The following EIF3D variants were observed in gnomAD, a reference collection of about 807,000 sequenced individuals.
The protein encoded by EIF3D is eIF3 p66.
In EIF3D, 10 loss-of-function variants were observed where a neutral mutation model predicts 75.4. That is an observed-to-expected ratio of 0.13 (90% CI 0.08 to 0.22). The LOEUF (loss-of-function observed/expected upper bound fraction) is 0.22, where lower values mean the gene tolerates loss of function less well. Ranked by LOEUF, EIF3D falls within the 10% of genes least tolerant of loss-of-function variation. EIF3D has a pLI of 1.00. For missense variants in EIF3D, 394 were observed against 708.0 expected (o/e 0.56, Z 5.03); for synonymous variants, 246 against 248.3 (o/e 0.99, Z 0.09).
At chr22:36,525,367 C>CCGAG (rs3076240) in intron 3 of EIF3D, among the ~76,000 whole-genome samples, 3,468 of 151,746 alleles carry the variant, frequency 0.023, 70 homozygotes, top group Non-Finnish European at 0.037. Context: ...CCTCAGCCAC[C>CCGAG]CGAGTAGCTG....
intron 6 of EIF3D, among the ~76,000 whole-genome samples, chr22:36,521,649 G>A (rs565985531): frequency 1.8e-4 from 28 of 152,158 alleles, no homozygotes; most frequent in African/African-American, 6.7e-4. Flanking sequence ...CATCTGGGCT[G>A]GGTGTGGTGC....
rs1411324233 is a variant in EIF3D at position 36,524,452 on chromosome 22, G to A, written c.306+144C>T. On this transcript the variant is annotated intron_variant, in intron 4 of 14. Coordinates refer to ENST00000216190, the MANE Select transcript of EIF3D (RefSeq NM_003753.4). ...GTGCAAGTTCACCTTGGTACCACTT[G>A]TTATGGAACGGTGACCCGAGATTCA... is the stretch of plus-strand genomic sequence containing the variant. 6 of 1,190,674 alleles carry A rather than the reference G, an allele frequency of 5.0e-6. No homozygotes were observed. The African/African-American group carries it at 6.1e-5, about 12-fold the overall frequency. 73.8% of individuals were successfully genotyped at this position (1,190,674 alleles called of 1,614,324 possible).
At chr22:36,515,506 C>A (rs143740287) in intron 12 of EIF3D, among the ~76,000 whole-genome samples, 67 of 152,128 alleles carry the variant, frequency 4.4e-4, no homozygotes, top group Non-Finnish European at 8.1e-4. Context: ...CCAGCCTGGG[C>A]AACAAGAGCG....
At chr22:36,525,831 C>CTG in intron 2 of EIF3D, 122 bp from the exon 3 acceptor site, 1 of 1,454,648 alleles carries the variant, frequency 6.9e-7, no homozygotes, top group African/African-American at 1.4e-5. Context: ...CACAACACCT[C>CTG]TGTAAGTGCC....
rs1170237044 is a variant in EIF3D at position 36,517,336 on chromosome 22, T to C, written c.955A>G (p.Ile319Val). ...PRNLAMEATYINHNFSQQCLR... is the reference protein window; with the variant it reads ...PRNLAMEATYVNHNFSQQCLR... ...CACTGCTGGGAGAAATTGTGGTTGATGTAGGTTGCCTCCATGGCCAGGTTG... is the reference window on the plus strand; with the variant it reads ...CACTGCTGGGAGAAATTGTGGTTGACGTAGGTTGCCTCCATGGCCAGGTTG... The change falls in exon 10 of 15, where the codon ATC becomes GTC. Residue 319 changes from isoleucine (I) to valine (V), a missense_variant. Coordinates refer to ENST00000216190, the MANE Select transcript of EIF3D (RefSeq NM_003753.4). The C allele has an allele frequency of 1.9e-6, 3 of 1,613,936 alleles. No homozygotes were observed. Among genetic ancestry groups the C allele is most frequent in the South Asian group, 2.2e-5 (2 of 91,048 alleles).
intron 12 of EIF3D, chr22:36,512,858 GACACAC>G (rs67441722): frequency 0.011 from 3,772 of 336,316 alleles, 3 homozygotes; most frequent in Non-Finnish European, 0.016. Context: ...GACACACACG[GACACAC>G]ACACACACAC....
intron 1 of EIF3D, among the ~76,000 whole-genome samples, chr22:36,528,419 T>C (rs1021181164): frequency 3.5e-5 from 5 of 144,496 alleles, no homozygotes; most frequent in Non-Finnish European, 7.4e-5. Context: ...CTTTAATAAA[T>C]GTTTTTTTTT....
chr22:36,519,351 T>C lies in EIF3D; in HGVS notation c.711+54A>G, dbSNP rs566696212. ...TCTGTTCTTTCTGCAGCTTCAGCTG[T>C]AGAAGCCGACAGCATTCCTAACAAG... On this transcript the variant is annotated intron_variant, in intron 8 of 14. Coordinates refer to ENST00000216190, the MANE Select transcript of EIF3D (RefSeq NM_003753.4). The C allele has an allele frequency of 1.5e-5, 24 of 1,608,130 alleles. No homozygotes were observed. The South Asian group carries it at 2.1e-4, about 14-fold the overall frequency.
At chr22:36,522,814 T>A (rs547097307) in intron 6 of EIF3D, among the ~76,000 whole-genome samples, 1 of 152,268 alleles carries the variant, frequency 6.6e-6, no homozygotes, top group African/African-American at 2.4e-5. Context: ...CTACCCAAAG[T>A]TTAGCCCTTT....
At chr22:36,527,657 G>A (rs1214618580) in intron 1 of EIF3D, among the ~76,000 whole-genome samples, 2 of 152,188 alleles carry the variant, frequency 1.3e-5, no homozygotes, top group East Asian at 3.8e-4. Context: ...TGGTCAACAT[G>A]GTGAAACCCA....
intron 2 of EIF3D, 69 bp from the exon 3 acceptor site, chr22:36,525,778 C>T: frequency 6.3e-7 from 1 of 1,580,338 alleles, no homozygotes; most frequent in African/African-American, 1.4e-5. Flanking sequence ...ACCAGAAATC[C>T]CTGAGCGCGA....
At position 36,523,887 on chromosome 22, in the gene EIF3D, A is replaced by G. The variant is rs1934554714; in HGVS notation, c.392+8T>C. On this transcript the variant is annotated splice_region_variant and intron_variant, in intron 5 of 14. Transcript: ENST00000216190. ...GGGTGTCTTGTTCCAGCAGGATGAA[A>G]ATCTCACCTCTCTTTCTGTTTGGCA... 9 of 1,613,320 alleles carry G rather than the reference A, an allele frequency of 5.6e-6. No individual in the cohort carries two copies. In the East Asian group the frequency reaches 2.0e-4, roughly 36 times the overall value.
intron 5 of EIF3D, 131 bp from the exon 6 acceptor site, chr22:36,523,412 T>G (rs1934546652): frequency 2.7e-6 from 2 of 727,714 alleles, no homozygotes; most frequent in Non-Finnish European, 4.7e-6. Context: ...AAAAATGGGC[T>G]TAGAGAAAGG....
At position 36,518,782 on chromosome 22, in the gene EIF3D, C is replaced by T; in HGVS notation, c.840G>A (p.Lys280=). ...QRVGSKLFFD[K]RDNSDFDLLT... ...TCTTACCAAAGTCAGAGTTGTCTCT[C>T]TTGTCAAAGAAGAGTTTGGACCCAA... Residue 280 remains lysine, a synonymous_variant, in exon 9 of 15, where the codon AAG becomes AAA. Coordinates refer to ENST00000216190, the MANE Select transcript of EIF3D (RefSeq NM_003753.4). The T allele has an allele frequency of 6.2e-7, 1 of 1,614,168 alleles. No individual in the cohort carries two copies. The highest frequency in any genetic ancestry group is 1.1e-5 in the South Asian group (1 of 91,088).
rs1196654035 is a variant in EIF3D at position 36,518,702 on chromosome 22, T to A, written c.859+61A>T. 5 of 1,595,472 alleles carry A rather than the reference T, an allele frequency of 3.1e-6. No homozygotes were observed. The Admixed American group carries it at 8.4e-5, about 27-fold the overall frequency. ...CTATCCATTCTCTAGTACCAGAGACTTGTTCTGTACCAACAAAAATACTCA... is the reference window on the plus strand; with the variant it reads ...CTATCCATTCTCTAGTACCAGAGACATGTTCTGTACCAACAAAAATACTCA... On this transcript the variant is annotated intron_variant, in intron 9 of 14. Coordinates refer to ENST00000216190, the MANE Select transcript of EIF3D (RefSeq NM_003753.4).
At chr22:36,526,976 G>C (rs986270380) in intron 1 of EIF3D, 3 of 151,698 alleles carry the variant, frequency 2.0e-5, no homozygotes, top group African/African-American at 7.3e-5. Flanking sequence ...ACTTGCAAAA[G>C]TGCATTTATG....
chr22:36,523,454 TAGAAAAGGTACA>T (rs1276224235), intron 5 of EIF3D, among the ~76,000 whole-genome samples, 173 bp from the exon 6 acceptor site: 1 of 152,204 alleles, frequency 6.6e-6, no homozygotes, highest in Non-Finnish European at 1.5e-5. Flanking sequence ...CTGGAGGTGT[TAGAAAAGGTACA>T]CTGCCTCCAA....
At chr22:36,525,623 C>T (rs1934586578) in intron 3 of EIF3D, 41 bp downstream of exon 3, 1 of 1,603,792 alleles carries the variant, frequency 6.2e-7, no homozygotes, top group Admixed American at 1.7e-5. Flanking sequence ...AACAACTTTC[C>T]CAAGGCCCTG....
intron 9 of EIF3D, 137 bp downstream of exon 9, chr22:36,518,626 G>A (rs2145873413): frequency 9.2e-7 from 1 of 1,082,744 alleles, no homozygotes; most frequent in African/African-American, 2.0e-5. Flanking sequence ...AAAGAGTGTG[G>A]GAGATTCAGA....
Sources: gnomAD v4.1 joint callset for allele counts (sites outside exome capture counted in the v4.1 genomes callset) on GRCh38, gnomAD v4.1.1 for gene constraint, MANE v1.5 for transcripts, NCBI Gene and HGNC (gene_info 2026-07-23, HGNC 2026-07-21) for gene names.